The following NTNG1 variants were observed in gnomAD, a reference collection of about 807,000 sequenced individuals.
NTNG1 encodes netrin G1.
Under a neutral mutation model 54.0 loss-of-function variants are expected in NTNG1, and 16 were observed. The ratio of observed to expected loss-of-function variants is 0.30; its 90% confidence interval spans 0.20 to 0.45. The LOEUF is 0.45. Ranked by LOEUF, NTNG1 falls within the 20% of genes least tolerant of loss-of-function variation. The pLI, the probability that NTNG1 is intolerant of heterozygous loss-of-function variation, is 1.00. For missense variants in NTNG1, 530 were observed against 678.7 expected (o/e 0.78, Z 2.43); for synonymous variants, 255 against 263.1 (o/e 0.97, Z 0.30).
intron 5 of NTNG1, among the ~76,000 whole-genome samples, chr1:107,429,901 C>A (rs1309880331): frequency 3.3e-5 from 5 of 152,122 alleles, no homozygotes; most frequent in Non-Finnish European, 5.9e-5. Flanking sequence ...TACTCTCATG[C>A]TCTTCTTCAT....
intron 2 of NTNG1, among the ~76,000 whole-genome samples, chr1:107,246,807 A>G (rs1004083205): frequency 2.0e-5 from 3 of 152,172 alleles, no homozygotes; most frequent in African/African-American, 7.2e-5. Flanking sequence ...CCTGTTTATA[A>G]CAGAGGTTAA....
intron 5 of NTNG1, among the ~76,000 whole-genome samples, chr1:107,426,075 A>G (rs1489980990): frequency 6.6e-6 from 1 of 152,056 alleles, no homozygotes; most frequent in Non-Finnish European, 1.5e-5. Flanking sequence ...GATTTTAAAC[A>G]TTGGTCTTTA....
intron 1 of NTNG1, among the ~76,000 whole-genome samples, chr1:107,147,066 A>G (rs1450034633): frequency 6.6e-6 from 1 of 152,098 alleles, no homozygotes; most frequent in African/African-American, 2.4e-5. Flanking sequence ...TGGTTTCCAA[A>G]TGTTAGCATT....
intron 3 of NTNG1, among the ~76,000 whole-genome samples, chr1:107,377,648 C>T (rs891277812): frequency 3.3e-5 from 5 of 152,358 alleles, no homozygotes; most frequent in Non-Finnish European, 5.9e-5. Flanking sequence ...CACCACACTC[C>T]TCCTTGTGCC....
chr1:107,455,385 T>C (rs920168017), intron 7 of NTNG1, among the ~76,000 whole-genome samples: 1 of 152,118 alleles, frequency 6.6e-6, no homozygotes, highest in African/African-American at 2.4e-5. Context: ...TAAAAAGCAA[T>C]AAAAAGTCAT....
intron 7 of NTNG1, among the ~76,000 whole-genome samples, chr1:107,478,297 T>A (rs1019321472): frequency 6.6e-6 from 1 of 152,172 alleles, no homozygotes; most frequent in Non-Finnish European, 1.5e-5. Flanking sequence ...ATATTATAGG[T>A]TTTATTTTTC....
intron 2 of NTNG1, among the ~76,000 whole-genome samples, chr1:107,182,800 A>T (rs921172622): frequency 1.3e-5 from 2 of 152,138 alleles, no homozygotes; most frequent in Admixed American, 6.5e-5. Flanking sequence ...TTCATGAGAG[A>T]CAAGGACAGA....
chr1:107,267,654 C>T (rs1412330806), intron 2 of NTNG1, among the ~76,000 whole-genome samples: 1 of 152,134 alleles, frequency 6.6e-6, no homozygotes, highest in Non-Finnish European at 1.5e-5. Flanking sequence ...CCAGGGTGTC[C>T]ACCATACTCT....
intron 3 of NTNG1, chr1:107,334,078 C>G (rs1171704240): frequency 6.6e-6 from 1 of 151,882 alleles, no homozygotes. Flanking sequence ...GTAAGTGCCT[C>G]AAACTCTAAT....
At chr1:107,252,399 AGCTTAAT>A (rs1300346855) in intron 2 of NTNG1, among the ~76,000 whole-genome samples, 2 of 152,198 alleles carry the variant, frequency 1.3e-5, no homozygotes, top group Non-Finnish European at 2.9e-5. Flanking sequence ...AGTGCATGCA[AGCTTAAT>A]GTTTACTGAA....
At chr1:107,380,292 A>C (rs1049276174) in intron 3 of NTNG1, among the ~76,000 whole-genome samples, 1 of 152,246 alleles carries the variant, frequency 6.6e-6, no homozygotes, top group African/African-American at 2.4e-5. Flanking sequence ...TCAAACACTT[A>C]AAAGATGAAA....
intron 4 of NTNG1, 26 bp from the exon 5 acceptor site, chr1:107,407,656 T>G: frequency 6.3e-7 from 1 of 1,578,214 alleles, no homozygotes; most frequent in Non-Finnish European, 8.6e-7. Context: ...CTAACAGCTT[T>G]TCTTTATTGT....
intron 2 of NTNG1, among the ~76,000 whole-genome samples, chr1:107,269,747 G>A (rs998787352): frequency 1.3e-5 from 2 of 152,142 alleles, no homozygotes; most frequent in African/African-American, 4.8e-5. Context: ...TGTAAACTTG[G>A]CATGTTACAT....
chr1:107,148,361 G>C lies in NTNG1; in HGVS notation c.-233G>C. The C allele has an allele frequency of 2.1e-6, 1 of 483,580 alleles. No homozygotes were observed. Among genetic ancestry groups the C allele is most frequent in the Non-Finnish European group, 3.7e-6 (1 of 271,766 alleles). The allele number at this position is 483,580 out of a possible 1,614,324, so 30.0% of individuals were successfully genotyped here. ...TTGTTAACGCCTAACACACAAGTATGTTAGGCTTCCACCAAAGTCCTCAAT... is the reference window on the plus strand; with the variant it reads ...TTGTTAACGCCTAACACACAAGTATCTTAGGCTTCCACCAAAGTCCTCAAT... On this transcript the variant is annotated 5_prime_UTR_variant, in exon 2 of 8. It removes an upstream start codon present in the reference 5' UTR. Coordinates refer to ENST00000370068, the MANE Select transcript of NTNG1 (RefSeq NM_001113226.3).
intron 2 of NTNG1, among the ~76,000 whole-genome samples, chr1:107,200,551 G>A (rs930363823): frequency 1.3e-5 from 2 of 151,574 alleles, no homozygotes; most frequent in Non-Finnish European, 3.0e-5. Context: ...CTCCCTTCTT[G>A]GCCAACCCTT....
intron 3 of NTNG1, among the ~76,000 whole-genome samples, chr1:107,391,357 A>G (rs1227681748): frequency 2.6e-5 from 4 of 152,174 alleles, no homozygotes; most frequent in Non-Finnish European, 5.9e-5. Flanking sequence ...GATTGGGTAG[A>G]GAGGGGCATG....
At chr1:107,224,879 C>A (rs561856552) in intron 2 of NTNG1, among the ~76,000 whole-genome samples, 3 of 152,192 alleles carry the variant, frequency 2.0e-5, no homozygotes, top group Admixed American at 6.5e-5. Flanking sequence ...TGGTCTGAGA[C>A]CCCCCTCTGC....
At chr1:107,168,726 G>T (rs1229374567) in intron 2 of NTNG1, among the ~76,000 whole-genome samples, 1 of 152,026 alleles carries the variant, frequency 6.6e-6, no homozygotes. Context: ...CCAAACTCAG[G>T]ACAGGCCCAT....
intron 2 of NTNG1, among the ~76,000 whole-genome samples, chr1:107,168,779 G>A (rs1656001914): frequency 6.6e-6 from 1 of 152,018 alleles, no homozygotes; most frequent in African/African-American, 2.4e-5. Flanking sequence ...AACCAACATA[G>A]CAAAACAAAA....
Sources: gnomAD v4.1 joint callset for allele counts (sites outside exome capture counted in the v4.1 genomes callset) on GRCh38, gnomAD v4.1.1 for gene constraint, MANE v1.5 for transcripts, NCBI Gene and HGNC (gene_info 2026-07-23, HGNC 2026-07-21) for gene names.